Variants in DDB2 observed in about 807,000 individuals in gnomAD.
DDB2 encodes DNA damage-binding protein 2.
Under a neutral mutation model 50.5 loss-of-function variants are expected in DDB2, and 27 were observed. The observed-to-expected ratio is 0.53, with a 90% CI of 0.39 to 0.74. The LOEUF (loss-of-function observed/expected upper bound fraction) is 0.74, where lower values mean the gene tolerates loss of function less well. Among genes scored for constraint, DDB2 ranks in the 30% least tolerant of loss-of-function variants. DDB2 has a pLI of 0.00. For synonymous variants in DDB2, 176 were observed against 205.5 expected (o/e 0.86, Z 1.23); for missense variants, 424 against 545.6 (o/e 0.78, Z 2.22).
intron 1 of DDB2, 78 bp downstream of exon 1, chr11:47,215,341 C>G: frequency 6.2e-7 from 1 of 1,606,114 alleles, no homozygotes; most frequent in Non-Finnish European, 8.5e-7. Context: ...GGGATGGGTG[C>G]TCCGAGGCTC....
chr11:47,219,923 G>C (rs1003636994), intron 3 of DDB2, among the ~76,000 whole-genome samples: 5 of 152,282 alleles, frequency 3.3e-5, no homozygotes, highest in African/African-American at 1.2e-4. Context: ...AAGTAGCTGG[G>C]ACTACTGGTG....
chr11:47,235,130 C>T, intron 6 of DDB2, 140 bp from the exon 7 acceptor site: 1 of 1,377,242 alleles, frequency 7.3e-7, no homozygotes, highest in Admixed American at 1.7e-5. Flanking sequence ...TTGTTGTTCA[C>T]AGCCCAGATT....
intron 7 of DDB2, among the ~76,000 whole-genome samples, chr11:47,236,444 A>G (rs1374057668): frequency 6.6e-6 from 1 of 152,146 alleles, no homozygotes; most frequent in African/African-American, 2.4e-5. Context: ...AAAACTACAG[A>G]TCCTCTTCAG....
intron 3 of DDB2, among the ~76,000 whole-genome samples, chr11:47,227,032 GC>G (rs1254707016): frequency 6.9e-6 from 1 of 144,722 alleles, no homozygotes; most frequent in East Asian, 2.0e-4. Flanking sequence ...ACTCCTGTTT[GC>G]CTGTTTTTTA....
At chr11:47,225,344 G>A (rs1313046812) in intron 3 of DDB2, among the ~76,000 whole-genome samples, 1 of 151,334 alleles carries the variant, frequency 6.6e-6, no homozygotes, top group African/African-American at 2.4e-5. Context: ...TGTAATCCCA[G>A]CACTTTGGGA....
intron 4 of DDB2, chr11:47,233,369 C>A: frequency 3.7e-6 from 1 of 273,106 alleles, no homozygotes; most frequent in Non-Finnish European, 7.2e-6. Flanking sequence ...GGAATCTTTT[C>A]CATAAAGTGC....
Position 47,216,912 on chromosome 11 carries a change from G to A in DDB2, c.319G>A (p.Ala107Thr), listed in dbSNP as rs11537594. 1.9e-6 allele frequency: 3 copies of A among 1,613,954 alleles called. No individual in the cohort carries two copies. Among genetic ancestry groups the A allele is most frequent in the Admixed American group, 3.3e-5 (2 of 59,972 alleles). Reference protein sequence around the residue: ...TLDSYRILQKAAPFDRRATSL... With the variant: ...TLDSYRILQKTAPFDRRATSL... ...GGATTCTTACCGGATATTACAAAAGGCTGCCCCCTTTGACAGGAGGGCTAC... is the reference window on the plus strand; with the variant it reads ...GGATTCTTACCGGATATTACAAAAGACTGCCCCCTTTGACAGGAGGGCTAC... Residue 107 changes from alanine to threonine, a missense_variant, in exon 3 of 10, where the codon GCT becomes ACT. Physicochemically the swap from Ala to Thr is moderately conservative, Grantham distance 58. Transcript: ENST00000256996.
chr11:47,215,303 A>G (rs1174364138), intron 1 of DDB2, 40 bp downstream of exon 1: 7 of 1,612,662 alleles, frequency 4.3e-6, no homozygotes, highest in Middle Eastern at 1.6e-4. Context: ...TCCGCCTTTT[A>G]GGGTGCTCGC....
chr11:47,228,977 A>AAAATATC (rs376107098), intron 3 of DDB2, among the ~76,000 whole-genome samples: 1 of 124,660 alleles, frequency 8.0e-6, no homozygotes, highest in African/African-American at 2.9e-5. Context: ...AAAAAAAGAA[A>AAAATATC]TATCTATCTA....
At chr11:47,232,203 G>A (rs1214541021) in intron 3 of DDB2, among the ~76,000 whole-genome samples, 1 of 152,072 alleles carries the variant, frequency 6.6e-6, no homozygotes, top group Non-Finnish European at 1.5e-5. Flanking sequence ...ATTTAGCCAT[G>A]CGTGGTGGTG....
rs1172037538 is a variant in DDB2, at chr11:47,234,903, C to T, written c.849C>T (p.Tyr283=). The T allele has an allele frequency of 3.7e-6, 6 of 1,614,138 alleles. No individual in the cohort carries two copies. The highest frequency in any genetic ancestry group is 1.7e-5 in the Admixed American group (1 of 60,008). Residue 283 remains tyrosine (Y), a synonymous_variant, in exon 6 of 10, where the codon TAC becomes TAT. Coordinates refer to ENST00000256996, the MANE Select transcript of DDB2 (RefSeq NM_000107.3). ...TTAGAGGGAAAGCCAGCTTCCTCTA[C>T]TCGCTGCCGCACAGGCATCCTGTCA... ...RQVRGKASFL[Y]SLPHRHPVNA... is the part of the protein sequence containing the mutation.
chr11:47,218,214 G>T (rs1390433471), intron 3 of DDB2, among the ~76,000 whole-genome samples: 1 of 152,182 alleles, frequency 6.6e-6, no homozygotes, highest in Non-Finnish European at 1.5e-5. Context: ...GGGTGTCTGA[G>T]ATCTGATGCT....
chr11:47,237,573 G>C (rs895616606), intron 7 of DDB2: 2 of 412,088 alleles, frequency 4.9e-6, no homozygotes, highest in Non-Finnish European at 9.2e-6. Context: ...TGGGACTACA[G>C]GCATGTACCA....
At chr11:47,235,855 C>T (rs1953718258) in intron 7 of DDB2, 1 of 155,198 alleles carries the variant, frequency 6.4e-6, no homozygotes, top group Admixed American at 6.1e-5. Context: ...CTCCCAGGCT[C>T]AAGCGATCCT....
chr11:47,230,589 T>A (rs934289424), intron 3 of DDB2, among the ~76,000 whole-genome samples: 5 of 152,176 alleles, frequency 3.3e-5, no homozygotes, highest in Non-Finnish European at 5.9e-5. Context: ...CCGAAGATTG[T>A]CATACTACCA....
intron 7 of DDB2, 85 bp from the exon 8 acceptor site, chr11:47,237,752 G>A (rs1374672822): frequency 4.3e-6 from 6 of 1,393,848 alleles, no homozygotes; most frequent in Non-Finnish European, 6.1e-6. Flanking sequence ...TACTTTTGAT[G>A]TTCCTCTTTG....
chr11:47,228,965 A>AAAG (rs1953601582), intron 3 of DDB2, among the ~76,000 whole-genome samples: 2 of 65,912 alleles, frequency 3.0e-5, no homozygotes, highest in Non-Finnish European at 4.5e-5. Context: ...TCAAAAAAAA[A>AAAG]AAAAAAAAGA....
At chr11:47,235,660 T>C (rs759712905) in intron 7 of DDB2, 9 of 556,052 alleles carry the variant, frequency 1.6e-5, no homozygotes, top group Non-Finnish European at 9.7e-6. Context: ...CCAGCTCTGA[T>C]CTCACTGTGA....
At chr11:47,217,946 T>C (rs1953425682) in intron 3 of DDB2, among the ~76,000 whole-genome samples, 1 of 152,202 alleles carries the variant, frequency 6.6e-6, no homozygotes, top group Non-Finnish European at 1.5e-5. Flanking sequence ...TACGCCATTG[T>C]CTTTTCTCAC....
Sources: gnomAD v4.1 joint callset for allele counts (sites outside exome capture counted in the v4.1 genomes callset) on GRCh38, gnomAD v4.1.1 for gene constraint, MANE v1.5 for transcripts, NCBI Gene and HGNC (gene_info 2026-07-23, HGNC 2026-07-21) for gene names.